Variants in NKAIN2 observed in about 807,000 individuals in gnomAD.
NKAIN2 encodes sodium/potassium-transporting ATPase subunit beta-1-interacting protein 2.
NKAIN2 carries 14 observed loss-of-function variants against 32.6 expected under a neutral mutation model. That is an observed-to-expected ratio of 0.43 (90% CI 0.28 to 0.67). The LOEUF (loss-of-function observed/expected upper bound fraction) is 0.67. Among genes scored for constraint, NKAIN2 ranks in the 30% least tolerant of loss-of-function variants. NKAIN2 has a pLI of 0.17. For missense variants in NKAIN2, 198 were observed against 258.3 expected (o/e 0.77, Z 1.60); for synonymous variants, 80 against 87.2 (o/e 0.92, Z 0.46).
chr6:124,009,529 T>C lies in NKAIN2; in HGVS notation c.54+205275T>C, dbSNP rs1024451674. The stretch of plus-strand genomic sequence containing the variant: ...GCTCCTTGCACTGCATACCCTACAA[T>C]GTCTTGTCCCCCTCCCTCAGCATTG... On this transcript the variant is annotated intron_variant, in intron 1 of 6. Transcript: ENST00000368417. 3.3e-5 allele frequency among the ~76,000 whole-genome samples: 5 copies of C among 151,770 alleles called. No individual in the cohort carries two copies. In the East Asian group the frequency reaches 9.6e-4, roughly 29 times the overall value.
At chr6:123,816,657 G>T (rs983770150) in intron 1 of NKAIN2, among the ~76,000 whole-genome samples, 3 of 152,088 alleles carry the variant, frequency 2.0e-5, no homozygotes, top group Admixed American at 2.0e-4. Context: ...AGGTGTGGGT[G>T]GGAAACCATG....
intron 3 of NKAIN2, among the ~76,000 whole-genome samples, chr6:124,486,611 C>T (rs1231428125): frequency 6.6e-6 from 1 of 152,122 alleles, no homozygotes; most frequent in Non-Finnish European, 1.5e-5. Flanking sequence ...GTCTAATAGT[C>T]TAGAAATATC....
At chr6:124,107,376 A>G (rs762723390) in intron 1 of NKAIN2, among the ~76,000 whole-genome samples, 9 of 152,198 alleles carry the variant, frequency 5.9e-5, no homozygotes, top group Non-Finnish European at 1.0e-4. Flanking sequence ...GGAAAAATAA[A>G]TGATGGAAGT....
chr6:124,282,209 A>G, intron 1 of NKAIN2: 1 of 312,158 alleles, frequency 3.2e-6, no homozygotes, highest in East Asian at 1.3e-4. Flanking sequence ...TTAGATTTTT[A>G]TATGTCTTAA....
chr6:124,418,003 A>G (rs1774571265), intron 3 of NKAIN2, among the ~76,000 whole-genome samples: 1 of 152,220 alleles, frequency 6.6e-6, no homozygotes, highest in Admixed American at 6.5e-5. Context: ...CACACTGAAC[A>G]AGGTAGTTAA....
chr6:124,746,471 TCA>T (rs1777457466), intron 4 of NKAIN2, among the ~76,000 whole-genome samples: 2 of 151,902 alleles, frequency 1.3e-5, no homozygotes, highest in African/African-American at 4.8e-5. Context: ...AGAATATTAT[TCA>T]GTTATTAAAA....
At chr6:124,451,063 C>A (rs190452498) in intron 3 of NKAIN2, among the ~76,000 whole-genome samples, 1 of 151,968 alleles carries the variant, frequency 6.6e-6, no homozygotes, top group Non-Finnish European at 1.5e-5. Context: ...AATAATGGAA[C>A]CTTTTAGCCC....
chr6:124,098,459 C>T (rs1398455890), intron 1 of NKAIN2, among the ~76,000 whole-genome samples: 1 of 152,068 alleles, frequency 6.6e-6, no homozygotes, highest in African/African-American at 2.4e-5. Context: ...TAGTTAATAT[C>T]AACAATATAC....
chr6:124,664,118 T>C (rs1013368322), intron 4 of NKAIN2, among the ~76,000 whole-genome samples: 2 of 151,730 alleles, frequency 1.3e-5, no homozygotes, highest in East Asian at 3.9e-4. Flanking sequence ...CTACTAAAAA[T>C]ACAAAAATTT....
chr6:124,654,893 G>C (rs1190500557), intron 3 of NKAIN2, among the ~76,000 whole-genome samples: 1 of 152,088 alleles, frequency 6.6e-6, no homozygotes, highest in Non-Finnish European at 1.5e-5. Context: ...CAGGATCTTA[G>C]AATTTTGGCC....
At chr6:124,099,284 T>C (rs930294296) in intron 1 of NKAIN2, among the ~76,000 whole-genome samples, 2 of 152,210 alleles carry the variant, frequency 1.3e-5, no homozygotes, top group African/African-American at 4.8e-5. Context: ...ATTATCTGCC[T>C]TTTTAATATG....
chr6:123,966,455 A>G (rs889120142), intron 1 of NKAIN2, among the ~76,000 whole-genome samples: 10 of 152,130 alleles, frequency 6.6e-5, no homozygotes, highest in African/African-American at 2.4e-4. Context: ...ACCTTTTTAT[A>G]GGATTTTTGC....
chr6:124,816,947 G>A (rs1319652548), intron 5 of NKAIN2, among the ~76,000 whole-genome samples: 1 of 152,118 alleles, frequency 6.6e-6, no homozygotes, highest in Non-Finnish European at 1.5e-5. Flanking sequence ...GACTGTTCCA[G>A]TTACCATTGC....
At chr6:123,917,277 A>G (rs1274378761) in intron 1 of NKAIN2, among the ~76,000 whole-genome samples, 1 of 152,060 alleles carries the variant, frequency 6.6e-6, no homozygotes, top group Non-Finnish European at 1.5e-5. Flanking sequence ...TAAATATAAC[A>G]TACAAGGAAA....
chr6:124,199,482 T>C lies in NKAIN2; in HGVS notation c.55-83523T>C, dbSNP rs150987423. Among the ~76,000 whole-genome samples the C allele has an allele frequency of 5.2e-3, 799 of 152,266 alleles. 3 individuals carry two copies. Among genetic ancestry groups the C allele is most frequent in the Non-Finnish European group, 9.2e-3 (626 of 68,006 alleles). The stretch of plus-strand genomic sequence containing the variant: ...CTAAATTATGTGATGCTTCCTTTCT[T>C]TGTTTGACATCTTCAAAGTGAAAAG... On this transcript the variant is annotated intron_variant, in intron 1 of 6. Coordinates refer to ENST00000368417, the MANE Select transcript of NKAIN2 (RefSeq NM_001040214.3).
chr6:124,784,481 A>T (rs1207644271), intron 4 of NKAIN2, among the ~76,000 whole-genome samples: 7 of 152,128 alleles, frequency 4.6e-5, no homozygotes, highest in Admixed American at 4.6e-4. Flanking sequence ...ATCATATAAC[A>T]TACAACTTTT....
chr6:124,398,259 A>T, intron 3 of NKAIN2, among the ~76,000 whole-genome samples: 1 of 60,746 alleles, frequency 1.6e-5, no homozygotes, highest in East Asian at 6.5e-4. Context: ...TCTCAAAAAA[A>T]AAAAAAAAAA....
chr6:124,070,668 C>T lies in NKAIN2; in HGVS notation c.55-212337C>T, dbSNP rs148073467. On this transcript the variant is annotated intron_variant, in intron 1 of 6. Transcript: ENST00000368417. ...TCTGACTATCACACCTAAGTTCAAA[C>T]GCCTTTGAATGACTTCTATTGCCCA... is the stretch of plus-strand genomic sequence containing the variant. Among the ~76,000 whole-genome samples the T allele has an allele frequency of 2.1e-3, 319 of 152,228 alleles. 1 individual carries two copies. Among genetic ancestry groups the T allele is most frequent in the African/African-American group, 6.9e-3 (287 of 41,546 alleles).
chr6:124,558,998 A>G (rs1367109472), intron 3 of NKAIN2, among the ~76,000 whole-genome samples: 1 of 152,082 alleles, frequency 6.6e-6, no homozygotes, highest in Non-Finnish European at 1.5e-5. Flanking sequence ...TAGGCCTTAC[A>G]CTGAGAGGAT....
Sources: allele counts gnomAD v4.1 joint callset (sites outside exome capture counted in the v4.1 genomes callset), GRCh38; gene constraint gnomAD v4.1.1; transcripts MANE v1.5; gene names NCBI Gene and HGNC (gene_info 2026-07-23, HGNC 2026-07-21).